CTNNA2: variants seen among roughly 807,000 people sequenced by gnomAD.
The protein encoded by CTNNA2 is catenin alpha-2.
A neutral mutation model predicts 101.0 loss-of-function variants in CTNNA2; 42 were observed. The ratio of observed to expected loss-of-function variants is 0.42; its 90% CI spans 0.32 to 0.54. CTNNA2 has a LOEUF of 0.54. CTNNA2 is among the 20% of genes least tolerant of loss of function. The pLI is 0.14. For synonymous variants in CTNNA2, 450 were observed against 456.4 expected, an observed-to-expected ratio of 0.99 and a Z score of 0.18; for missense variants, 871 against 1,223.1, an observed-to-expected ratio of 0.71 and a Z score of 4.29.
intron 9 of CTNNA2, among the ~76,000 whole-genome samples, chr2:80,458,267 A>G (rs935656958): frequency 6.6e-6 from 1 of 152,158 alleles, no homozygotes; most frequent in African/African-American, 2.4e-5. Context: ...GGATGTTTCA[A>G]TTATTCATAT....
At chr2:80,214,581 A>C (rs998887732) in intron 7 of CTNNA2, among the ~76,000 whole-genome samples, 1 of 152,132 alleles carries the variant, frequency 6.6e-6, no homozygotes, top group Admixed American at 6.5e-5. Flanking sequence ...CCGAGAGATC[A>C]GCTGTTAGTC....
At chr2:80,185,436 C>G (rs1468944765) in intron 7 of CTNNA2, among the ~76,000 whole-genome samples, 1 of 152,112 alleles carries the variant, frequency 6.6e-6, no homozygotes, top group African/African-American at 2.4e-5. Flanking sequence ...CCAGCCCACA[C>G]TCAGGAAAAG....
At chr2:80,307,383 G>A (rs1475076867) in intron 7 of CTNNA2, among the ~76,000 whole-genome samples, 4 of 151,924 alleles carry the variant, frequency 2.6e-5, no homozygotes, top group African/African-American at 9.7e-5. Context: ...ATCGAGAAAC[G>A]ACAACTTTTG....
At chr2:80,215,942 T>C (rs567880830) in intron 7 of CTNNA2, among the ~76,000 whole-genome samples, 1 of 152,308 alleles carries the variant, frequency 6.6e-6, no homozygotes, top group Admixed American at 6.5e-5. Context: ...TTTGTTTTCC[T>C]ACTCAAGCCT....
In CTNNA2 at chr2:79,486,045, A is replaced by G. The variant is rs919810202; in HGVS notation, c.-134-19009A>G. On this transcript the variant is annotated intron_variant, in intron 4 of 21. Coordinates refer to the CTNNA2 transcript ENST00000466387. The stretch of plus-strand genomic sequence containing the variant: ...AATAATTAGGACTCAAACAAAAGTG[A>G]AAGCTGATTTAAAATGATTTATTTT... Among the ~76,000 whole-genome samples the G allele has an allele frequency of 3.9e-5, 6 of 152,168 alleles. No homozygotes were observed. In the South Asian group the frequency reaches 1.2e-3, roughly 32 times the overall value.
chr2:79,384,587 G>T (rs1553407472), intron 4 of CTNNA2, among the ~76,000 whole-genome samples: 1 of 152,104 alleles, frequency 6.6e-6, no homozygotes. Context: ...GCATTAGGAG[G>T]TACTTAGGAT....
At chr2:80,299,928 G>A (rs908877595) in intron 7 of CTNNA2, among the ~76,000 whole-genome samples, 2 of 152,054 alleles carry the variant, frequency 1.3e-5, no homozygotes, top group South Asian at 2.1e-4. Flanking sequence ...TTAAGTTCAC[G>A]GAATCCAAGG....
intron 7 of CTNNA2, among the ~76,000 whole-genome samples, chr2:80,144,704 C>G (rs556304513): frequency 1.9e-4 from 29 of 152,304 alleles, no homozygotes; most frequent in African/African-American, 7.0e-4. Context: ...TGTAGTTGAT[C>G]AACAGAGCTG....
chr2:80,529,209 G>A (rs1690307577), intron 9 of CTNNA2, among the ~76,000 whole-genome samples: 1 of 152,116 alleles, frequency 6.6e-6, no homozygotes, highest in African/African-American at 2.4e-5. Flanking sequence ...CAGATTTGTA[G>A]GCCACATGGA....
intron 4 of CTNNA2, among the ~76,000 whole-genome samples, chr2:79,861,750 A>G (rs908741737): frequency 3.9e-5 from 6 of 152,130 alleles, no homozygotes; most frequent in African/African-American, 1.4e-4. Context: ...ATTCAGGAGG[A>G]TAGAGATAGA....
intron 9 of CTNNA2, among the ~76,000 whole-genome samples, chr2:80,522,263 C>T (rs1689633217): frequency 6.6e-6 from 1 of 152,130 alleles, no homozygotes; most frequent in African/African-American, 2.4e-5. Flanking sequence ...TCTCAAGGAT[C>T]CTCAAAAGAG....
intron 2 of CTNNA2, among the ~76,000 whole-genome samples, chr2:79,306,995 A>G (rs1016798921): frequency 3.9e-5 from 6 of 152,186 alleles, no homozygotes; most frequent in African/African-American, 7.2e-5. Context: ...TAGGCATAAG[A>G]TATACTCTAG....
intron 7 of CTNNA2, among the ~76,000 whole-genome samples, chr2:80,179,638 G>A (rs1014645277): frequency 6.6e-6 from 1 of 152,172 alleles, no homozygotes; most frequent in Non-Finnish European, 1.5e-5. Context: ...CTCCCAAAAT[G>A]CTGGGATTAC....
intron 9 of CTNNA2, among the ~76,000 whole-genome samples, chr2:80,488,038 G>A (rs1686737430): frequency 6.6e-6 from 1 of 152,090 alleles, no homozygotes; most frequent in African/African-American, 2.4e-5. Flanking sequence ...GAAATTATTT[G>A]AATATCCCAG....
chr2:79,217,401 A>G (rs1674280382), intron 2 of CTNNA2, among the ~76,000 whole-genome samples: 1 of 152,096 alleles, frequency 6.6e-6, no homozygotes, highest in South Asian at 2.1e-4. Context: ...CTGAGTCTGA[A>G]AAGAGAGTCA....
At chr2:79,289,138 G>C (rs1179657416) in intron 2 of CTNNA2, among the ~76,000 whole-genome samples, 1 of 152,132 alleles carries the variant, frequency 6.6e-6, no homozygotes, top group East Asian at 1.9e-4. Flanking sequence ...TTGGGCCTTT[G>C]CCTCTCAGTG....
intron 9 of CTNNA2, among the ~76,000 whole-genome samples, chr2:80,436,844 C>A (rs1682086523): frequency 6.6e-6 from 1 of 152,284 alleles, no homozygotes; most frequent in East Asian, 1.9e-4. Context: ...TCCCAAAGAC[C>A]TCACCTCTTA....
At chr2:80,523,345 T>C (rs974099617) in intron 9 of CTNNA2, among the ~76,000 whole-genome samples, 2 of 151,722 alleles carry the variant, frequency 1.3e-5, no homozygotes, top group African/African-American at 4.8e-5. Context: ...TTTCATAGAA[T>C]AAAAAAAGAT....
intron 7 of CTNNA2, among the ~76,000 whole-genome samples, chr2:80,184,969 A>AT (rs1453238585): frequency 6.6e-6 from 1 of 152,218 alleles, no homozygotes; most frequent in African/African-American, 2.4e-5. Context: ...GTATGCTAGT[A>AT]TATTGGCACT....
Sources: gnomAD v4.1 joint callset for allele counts (sites outside exome capture counted in the v4.1 genomes callset) on GRCh38, gnomAD v4.1.1 for gene constraint, MANE v1.5 for transcripts, NCBI Gene and HGNC (gene_info 2026-07-23, HGNC 2026-07-21) for gene names.